The following CLCN3 variants were observed in gnomAD, a reference collection of about 807,000 sequenced individuals.
CLCN3 encodes Cl-/H+ antiporter 3.
Under a neutral mutation model 83.4 loss-of-function variants are expected in CLCN3, and 16 were observed. The ratio of observed to expected loss-of-function variants is 0.19; its 90% confidence interval spans 0.13 to 0.29. The LOEUF is 0.29. CLCN3 is among the 10% of genes least tolerant of loss of function. The pLI is 1.00. For missense variants in CLCN3, 544 were observed against 1,006.0 expected (o/e 0.54, Z 6.21); for synonymous variants, 322 against 346.2 (o/e 0.93, Z 0.78).
chr4:169,695,537 A>G (rs1378723318), intron 7 of CLCN3, 75 bp from the exon 8 acceptor site: 10 of 1,084,152 alleles, frequency 9.2e-6, no homozygotes, highest in Non-Finnish European at 9.8e-6. Flanking sequence ...GGAAAATTCA[A>G]GTAACATGAA....
At chr4:169,644,844 G>T (rs960397959) in intron 2 of CLCN3, among the ~76,000 whole-genome samples, 6 of 152,108 alleles carry the variant, frequency 3.9e-5, no homozygotes, top group Non-Finnish European at 8.8e-5. Context: ...GGAGGCAGGA[G>T]GATCAGAGTT....
chr4:169,647,387 C>T (rs1196552942), intron 2 of CLCN3, among the ~76,000 whole-genome samples: 1 of 151,658 alleles, frequency 6.6e-6, no homozygotes, highest in Non-Finnish European at 1.5e-5. Flanking sequence ...AAGACCCCAT[C>T]TCAAGAAAAA....
chr4:169,636,608 C>G (rs763013677), intron 2 of CLCN3, among the ~76,000 whole-genome samples: 1 of 152,080 alleles, frequency 6.6e-6, no homozygotes, highest in Admixed American at 6.5e-5. Flanking sequence ...CTTTTACTTA[C>G]GTTTCAAAAT....
At chr4:169,655,792 G>A (rs886288771) in intron 2 of CLCN3, among the ~76,000 whole-genome samples, 1 of 152,102 alleles carries the variant, frequency 6.6e-6, no homozygotes, top group African/African-American at 2.4e-5. Flanking sequence ...GGCATGAGCC[G>A]CCATGCCTGG....
chr4:169,681,273 C>T (rs116690583), intron 3 of CLCN3, among the ~76,000 whole-genome samples: 2,204 of 152,258 alleles, frequency 0.014, 24 homozygotes, highest in Non-Finnish European at 0.021. Context: ...GTCTCAGACT[C>T]CTGGCCTCAA....
At chr4:169,702,265 CT>C (rs1194795416) in intron 9 of CLCN3, among the ~76,000 whole-genome samples, 2 of 152,134 alleles carry the variant, frequency 1.3e-5, no homozygotes, top group African/African-American at 4.8e-5. Context: ...TCATGCCTGA[CT>C]AGCTACCTGC....
chr4:169,649,407 G>A (rs149328246), intron 2 of CLCN3, among the ~76,000 whole-genome samples: 183 of 152,334 alleles, frequency 1.2e-3, no homozygotes, highest in African/African-American at 3.7e-3. Context: ...TCATTCAGAG[G>A]CCATGTGGGC....
intron 2 of CLCN3, among the ~76,000 whole-genome samples, chr4:169,662,928 C>T (rs1004819794): frequency 3.2e-4 from 49 of 152,116 alleles, no homozygotes; most frequent in Middle Eastern, 6.8e-3. Context: ...AAAGACTTGG[C>T]TTATCTGGAC....
At chr4:169,652,323 T>G (rs543086546) in intron 2 of CLCN3, among the ~76,000 whole-genome samples, 8 of 152,292 alleles carry the variant, frequency 5.3e-5, no homozygotes, top group African/African-American at 1.4e-4. Flanking sequence ...AGAAATGGTG[T>G]GTTGAAAAAA....
chr4:169,647,204 A>G (rs770219600), intron 2 of CLCN3, among the ~76,000 whole-genome samples: 4 of 152,130 alleles, frequency 2.6e-5, no homozygotes, highest in Non-Finnish European at 4.4e-5. Context: ...AGCCTGGGCA[A>G]TATGGCGAAA....
chr4:169,671,355 C>T (rs901231547), intron 2 of CLCN3, among the ~76,000 whole-genome samples: 7 of 152,088 alleles, frequency 4.6e-5, no homozygotes, highest in Admixed American at 4.6e-4. Flanking sequence ...AAATAGAAAG[C>T]CAAACACTGC....
chr4:169,703,944 C>T, intron 9 of CLCN3, 54 bp from the exon 10 acceptor site: 2 of 1,517,716 alleles, frequency 1.3e-6, no homozygotes, highest in African/African-American at 2.7e-5. Flanking sequence ...ATGTAAGTTT[C>T]AGGCATGTGA....
intron 8 of CLCN3, 69 bp from the exon 9 acceptor site, chr4:169,697,120 G>A (rs1732593459): frequency 2.6e-6 from 3 of 1,158,580 alleles, no homozygotes; most frequent in Non-Finnish European, 3.6e-6. Flanking sequence ...TACCATTCAA[G>A]TTATAATATA....
intron 1 of CLCN3, among the ~76,000 whole-genome samples, chr4:169,623,274 G>C (rs895230520): frequency 2.0e-5 from 3 of 152,116 alleles, no homozygotes; most frequent in African/African-American, 7.2e-5. Flanking sequence ...GTTATAATCT[G>C]AGTGTTATAT....
intron 1 of CLCN3, among the ~76,000 whole-genome samples, chr4:169,626,240 T>C (rs564276290): frequency 1.3e-5 from 2 of 152,246 alleles, no homozygotes; most frequent in South Asian, 2.1e-4. Flanking sequence ...AACAGATGCA[T>C]AGGGGGAGAT....
chr4:169,674,849 C>T (rs1214913469), intron 2 of CLCN3, among the ~76,000 whole-genome samples: 3 of 152,128 alleles, frequency 2.0e-5, no homozygotes, highest in African/African-American at 7.2e-5. Context: ...TTCCCAGACT[C>T]CAGCAGTCCT....
chr4:169,650,490 C>G (rs370647570), intron 2 of CLCN3, among the ~76,000 whole-genome samples: 3 of 152,250 alleles, frequency 2.0e-5, no homozygotes, highest in South Asian at 4.1e-4. Flanking sequence ...AGACATTTGA[C>G]TCTAAAGTCA....
At chr4:169,690,947 T>C (rs1732346255) in intron 6 of CLCN3, among the ~76,000 whole-genome samples, 1 of 152,038 alleles carries the variant, frequency 6.6e-6, no homozygotes, top group Admixed American at 6.6e-5. Context: ...GGAAGAAGTA[T>C]CTTGTGACCT....
chr4:169,672,328 C>A (rs1056489237), intron 2 of CLCN3, among the ~76,000 whole-genome samples: 1 of 151,928 alleles, frequency 6.6e-6, no homozygotes, highest in African/African-American at 2.4e-5. Flanking sequence ...TTAATGAAGT[C>A]GGGGATTCAC....
Sources: gnomAD v4.1 joint callset for allele counts (sites outside exome capture counted in the v4.1 genomes callset) on GRCh38, gnomAD v4.1.1 for gene constraint, MANE v1.5 for transcripts, NCBI Gene and HGNC (gene_info 2026-07-23, HGNC 2026-07-21) for gene names.